Variants in TMEM201 observed in about 807,000 individuals in gnomAD.
The protein encoded by TMEM201 is transmembrane protein 201.
In TMEM201, 26 loss-of-function variants were observed where a neutral mutation model predicts 63.4. That is an observed-to-expected ratio of 0.41 (90% confidence interval 0.30 to 0.57). The LOEUF (loss-of-function observed/expected upper bound fraction) is 0.57, where lower values mean the gene tolerates loss of function less well. Ranked by LOEUF, TMEM201 falls within the 20% of genes least tolerant of loss-of-function variation. The pLI is 0.29. For synonymous variants in TMEM201, 417 were observed against 421.6 expected (o/e 0.99, Z 0.14); for missense variants, 794 against 917.7 (o/e 0.87, Z 1.74).
At chr1:9,611,168 C>T (rs1365689344) in intron 9 of TMEM201, 2 of 721,036 alleles carry the variant, frequency 2.8e-6, no homozygotes, top group East Asian at 1.1e-4. Flanking sequence ...AAACCTACAA[C>T]TTTCAACTTT....
At position 9,597,158 on chromosome 1, in the gene TMEM201, T is replaced by G. The variant is rs79914000; in HGVS notation, c.429+105T>G. The G allele has an allele frequency of 4.3e-3, 5,775 of 1,332,054 alleles. 229 individuals carry two copies. In the African/African-American group the frequency reaches 0.077, roughly 18 times the overall value. 82.5% of individuals were successfully genotyped at this position (1,332,054 alleles called of 1,614,324 possible). ...GTGCTGACTCTGGTCCTCTGGCCCC[T>G]GCTCTGCTAGACAGCGGCTTTTCTG... On this transcript the variant is annotated intron_variant, in intron 3 of 10. Transcript: ENST00000340381.
rs1318824331 is a variant in TMEM201 at position 9,607,921 on chromosome 1, T to C, written c.1393+132T>C. 1.1e-6 allele frequency: 1 copy of C among 879,686 alleles called. No individual in the cohort carries two copies. The highest frequency in any genetic ancestry group is 1.7e-6 in the Non-Finnish European group (1 of 590,478). 54.5% of individuals were successfully genotyped at this position (879,686 alleles called of 1,614,324 possible). A position where few individuals can be genotyped will look rare whatever the true frequency, so the allele number is the denominator to read the frequency against. ...GCTGCAGAGACAGGCAGCACAGAGC[T>C]TTGAGCCTCAGTTCCCCCCAAAGAA... On this transcript the variant is annotated intron_variant, in intron 7 of 10. Transcript: ENST00000340381. The surrounding 1 kb of genome is among the most constrained non-coding windows in gnomAD (Gnocchi z 5.4).
At chr1:9,597,147 C>T in intron 3 of TMEM201, 94 bp downstream of exon 3, 8 of 1,385,554 alleles carry the variant, frequency 5.8e-6, no homozygotes, top group Non-Finnish European at 6.8e-6. Context: ...TGACTCTGGT[C>T]CTCTGGCCCC....
chr1:9,602,006 A>G, intron 5 of TMEM201, 63 bp from the exon 6 acceptor site: 6 of 1,558,230 alleles, frequency 3.9e-6, no homozygotes, highest in Non-Finnish European at 5.2e-6. Flanking sequence ...GGAGGCAGGA[A>G]GGAAGGCGTG....
intron 10 of TMEM201, 70 bp from the exon 11 acceptor site, chr1:9,612,916 A>AG: frequency 5.2e-6 from 7 of 1,348,084 alleles, no homozygotes; most frequent in Non-Finnish European, 7.3e-6. Context: ...TGCATGCTCT[A>AG]GGGGGCTGCT....
chr1:9,609,738 G>A, intron 7 of TMEM201, 102 bp from the exon 8 acceptor site: 1 of 1,189,732 alleles, frequency 8.4e-7, no homozygotes, highest in South Asian at 1.3e-5. Context: ...AAGCACATTT[G>A]TAAAGAGCAA....
chr1:9,592,358 GCA>G (rs1210485210), intron 1 of TMEM201, among the ~76,000 whole-genome samples: 6 of 152,224 alleles, frequency 3.9e-5, no homozygotes, highest in African/African-American at 1.4e-4. Flanking sequence ...ACTGGGGCCA[GCA>G]CACAGTGTCC....
rs1644230276 is a variant in TMEM201 at position 9,605,694 on chromosome 1, T to G, written c.1161-1863T>G. 3.3e-5 allele frequency among the ~76,000 whole-genome samples: 5 copies of G among 151,994 alleles called. No individual in the cohort carries two copies. Among genetic ancestry groups the G allele is most frequent in the Admixed American group, 3.3e-4 (5 of 15,276 alleles). ...AGCACCATCTTCAGTGGCACCAAAC[T>G]GGGAACAACAGCCCCTGTGCCAGGT... is the stretch of plus-strand genomic sequence containing the variant. On this transcript the variant is annotated intron_variant, in intron 6 of 10. Transcript: ENST00000340381. The surrounding 1 kb of genome is among the most constrained non-coding windows in gnomAD (Gnocchi z 5.7).
intron 4 of TMEM201, among the ~76,000 whole-genome samples, chr1:9,600,830 G>A (rs1644124750): frequency 6.6e-6 from 1 of 152,194 alleles, no homozygotes; most frequent in Non-Finnish European, 1.5e-5. Flanking sequence ...TGGGGCAGGA[G>A]AATCGCTTAA....
chr1:9,607,464 G>A lies in TMEM201; in HGVS notation c.1161-93G>A, dbSNP rs78599105. ...GGACCCCAGCTGAGGCCCCCACCTT[G>A]CACTGTGGGAGAGGGGTGGGACCCA... is the stretch of plus-strand genomic sequence containing the variant. On this transcript the variant is annotated intron_variant, in intron 6 of 10. Transcript: ENST00000340381. This position sits in a 1 kb window ranked among gnomAD's most constrained non-coding sequence, Gnocchi z 5.4. The A allele has an allele frequency of 0.013, 12,420 of 976,168 alleles. 127 individuals carry two copies. Among genetic ancestry groups the A allele is most frequent in the Non-Finnish European group, 0.015 (9,826 of 664,982 alleles). The allele number at this position is 976,168 out of a possible 1,614,324, so 60.5% of individuals were successfully genotyped here. A position where few individuals can be genotyped will look rare whatever the true frequency, so the allele number is the denominator to read the frequency against.
rs112835708 is a variant in TMEM201, at chr1:9,602,638, C to T, written c.1160+366C>T. The T allele has an allele frequency of 9.4e-6, 11 of 1,173,524 alleles. No homozygotes were observed. In the African/African-American group the frequency reaches 1.1e-4, roughly 12 times the overall value. 72.7% of individuals were successfully genotyped at this position (1,173,524 alleles called of 1,614,324 possible). ...TCCAGGCACCCCCCTCTCACCACGC[C>T]GTTTGCTGGCTCTGACACTGTTGGG... is the stretch of plus-strand genomic sequence containing the variant. On this transcript the variant is annotated intron_variant, in intron 6 of 10. Coordinates refer to ENST00000340381, the MANE Select transcript of TMEM201 (RefSeq NM_001130924.3).
In TMEM201 at chr1:9,610,410, G is replaced by A. The variant is rs936992817; in HGVS notation, c.1466-96G>A. 5.6e-6 allele frequency: 7 copies of A among 1,241,454 alleles called. No individual in the cohort carries two copies. Among genetic ancestry groups the A allele is most frequent in the East Asian group, 2.6e-5 (1 of 38,822 alleles). 76.9% of individuals were successfully genotyped at this position (1,241,454 alleles called of 1,614,324 possible). ...GTCTCTGCACCTTTCCTGTCTTCCC[G>A]GGTTAATAGAAGAATGCCCCCAGAA... On this transcript the variant is annotated intron_variant, in intron 8 of 10. Coordinates refer to ENST00000340381, the MANE Select transcript of TMEM201 (RefSeq NM_001130924.3). This position sits in a 1 kb window ranked among gnomAD's most constrained non-coding sequence, Gnocchi z 4.9.
At position 9,610,676 on chromosome 1, in the gene TMEM201, C is replaced by T; in HGVS notation, c.1636C>T (p.Pro546Ser). Reference sequence around the variant, plus strand: ...ACAGAAGCTGCTGCTGTTCCCGTCACCCCCTGGAGAGGCCCCCACCACGCC... The same window carrying T: ...ACAGAAGCTGCTGCTGTTCCCGTCATCCCCTGGAGAGGCCCCCACCACGCC... ...KGQKLLLFPS[P>S]PGEAPTTPSS... The change falls in exon 9 of 11, where the codon CCC becomes TCC. Residue 546 changes from proline to serine, a missense_variant. By Grantham distance (74) the Pro-to-Ser change is moderately conservative. Coordinates refer to ENST00000340381, the MANE Select transcript of TMEM201 (RefSeq NM_001130924.3). The surrounding 1 kb of genome is among the most constrained non-coding windows in gnomAD (Gnocchi z 4.9). 1.3e-6 allele frequency: 2 copies of T among 1,550,620 alleles called. No homozygotes were observed. Among genetic ancestry groups the T allele is most frequent in the Non-Finnish European group, 1.7e-6 (2 of 1,146,902 alleles).
chr1:9,596,283 AT>A (rs1233033815), intron 2 of TMEM201, among the ~76,000 whole-genome samples: 4 of 152,240 alleles, frequency 2.6e-5, no homozygotes, highest in African/African-American at 9.6e-5. Flanking sequence ...AAAGTGGCAG[AT>A]TTGGGGTTCA....
rs1644277017 is a variant in TMEM201 at position 9,608,429 on chromosome 1, G to A, written c.1393+640G>A. On this transcript the variant is annotated intron_variant, in intron 7 of 10. Transcript: ENST00000340381. This position sits in a 1 kb window ranked among gnomAD's most constrained non-coding sequence, Gnocchi z 4.3. ...CTCTAGTTATTCTAGGGGAGGAGATGCTGATAACAGCCAAGGCCCCTCTCC... is the reference window on the plus strand; with the variant it reads ...CTCTAGTTATTCTAGGGGAGGAGATACTGATAACAGCCAAGGCCCCTCTCC... 6.6e-6 allele frequency among the ~76,000 whole-genome samples: 1 copy of A among 152,228 alleles called. No individual in the cohort carries two copies. The highest frequency in any genetic ancestry group is 2.4e-5 in the African/African-American group (1 of 41,460).
At position 9,610,542 on chromosome 1, in the gene TMEM201, C is replaced by T; in HGVS notation, c.1502C>T (p.Ser501Phe). ...CTTCTGTCGGGGAGCTGCCCCTCCT[C>T]CCCACTCCCTTCCCCAGCGCCTTCC... ...FSLLSGSCPS[S>F]PLPSPAPSVA... is the part of the protein sequence containing the mutation. Residue 501 changes from serine (S) to phenylalanine (F), a missense_variant, in exon 9 of 11, where the codon TCC becomes TTC. Physicochemically the swap from Ser to Phe is radical, Grantham distance 155. Transcript: ENST00000340381. The surrounding 1 kb of genome is among the most constrained non-coding windows in gnomAD (Gnocchi z 4.9). The T allele has an allele frequency of 6.5e-7, 1 of 1,546,176 alleles. No individual in the cohort carries two copies. The highest frequency in any genetic ancestry group is 8.7e-7 in the Non-Finnish European group (1 of 1,143,768).
In TMEM201 at chr1:9,607,193, T is replaced by C. The variant is rs1417349223; in HGVS notation, c.1161-364T>C. Among the ~76,000 whole-genome samples the C allele has an allele frequency of 6.6e-6, 1 of 152,070 alleles. No individual in the cohort carries two copies. The highest frequency in any genetic ancestry group is 1.5e-5 in the Non-Finnish European group (1 of 67,992). Reference sequence around the variant, plus strand: ...AGGAGTCCAAGTCCATTAACCTTCATTGAGTGCCTGGCACGGGGCTGGGCA... The same window carrying C: ...AGGAGTCCAAGTCCATTAACCTTCACTGAGTGCCTGGCACGGGGCTGGGCA... On this transcript the variant is annotated intron_variant, in intron 6 of 10. Coordinates refer to ENST00000340381, the MANE Select transcript of TMEM201 (RefSeq NM_001130924.3). This position sits in a 1 kb window ranked among gnomAD's most constrained non-coding sequence, Gnocchi z 5.4.
Position 9,611,782 on chromosome 1 carries a change from G to T in TMEM201, c.1795G>T (p.Ala599Ser), listed in dbSNP as rs960408165. The change falls in exon 10 of 11, where the codon GCC becomes TCC. Residue 599 changes from alanine to serine, a missense_variant. By Grantham distance (99) the Ala-to-Ser change is moderately conservative. Coordinates refer to ENST00000340381, the MANE Select transcript of TMEM201 (RefSeq NM_001130924.3). ...DLRSKLERGS[A>S]CSNRSIKKED... ...GAGATCCAAGCTGGAAAGAGGCAGT[G>T]CCTGCAGCAACCGCTCCATCAAGAA... 2 of 1,551,264 alleles carry T rather than the reference G, an allele frequency of 1.3e-6. No homozygotes were observed. Among genetic ancestry groups the T allele is most frequent in the Non-Finnish European group, 8.7e-7 (1 of 1,147,062 alleles).
rs368960090 is a variant in TMEM201 at position 9,596,028 on chromosome 1, G to A, written c.234+18G>A. On this transcript the variant is annotated intron_variant, in intron 2 of 10. Transcript: ENST00000340381. ...TCCAGGAGGTGTGGGTCACAGGCAG[G>A]CGGACGGGTGGGCACGCGGGGGTGG... 2.5e-6 allele frequency: 4 copies of A among 1,610,140 alleles called. No homozygotes were observed. The African/African-American group carries it at 4.0e-5, about 16-fold the overall frequency.
Sources: gnomAD v4.1 joint callset for allele counts (sites outside exome capture counted in the v4.1 genomes callset) on GRCh38, gnomAD v4.1.1 for gene constraint, Gnocchi (gnomAD v3.1) non-coding constraint, MANE v1.5 for transcripts, NCBI Gene and HGNC (gene_info 2026-07-23, HGNC 2026-07-21) for gene names.